Variants in IGF2BP2 observed in about 807,000 individuals in gnomAD.
IGF2BP2 encodes the protein insulin-like growth factor 2 mRNA-binding protein 2.
In IGF2BP2, 17 loss-of-function variants were observed where a neutral mutation model predicts 75.8. The observed-to-expected ratio is 0.22, with a 90% CI of 0.15 to 0.34. IGF2BP2 has a LOEUF of 0.34. Among genes scored for constraint, IGF2BP2 ranks in the 10% least tolerant of loss-of-function variants. The pLI is 1.00. For missense variants in IGF2BP2, 516 were observed against 772.4 expected (o/e 0.67, Z 3.93); for synonymous variants, 288 against 295.6 (o/e 0.97, Z 0.26).
chr3:185,653,491 C>T (rs925064720), intron 12 of IGF2BP2, among the ~76,000 whole-genome samples: 5 of 151,856 alleles, frequency 3.3e-5, no homozygotes, highest in Non-Finnish European at 5.9e-5. Flanking sequence ...AGTGGTGGCG[C>T]GTGCCTGCAG....
intron 2 of IGF2BP2, among the ~76,000 whole-genome samples, chr3:185,810,533 G>C (rs1401630365): frequency 6.6e-6 from 1 of 152,166 alleles, no homozygotes; most frequent in African/African-American, 2.4e-5. Flanking sequence ...CAGCACTTTA[G>C]GGGGCCAAGG....
chr3:185,684,474 G>A (rs1720835964), intron 7 of IGF2BP2, among the ~76,000 whole-genome samples: 1 of 151,548 alleles, frequency 6.6e-6, no homozygotes, highest in Non-Finnish European at 1.5e-5. Context: ...GCGCGATCTC[G>A]GCTCACTGCA....
chr3:185,675,126 A>G, intron 9 of IGF2BP2, 170 bp downstream of exon 9: 1 of 553,596 alleles, frequency 1.8e-6, no homozygotes, highest in Non-Finnish European at 3.1e-6. Context: ...GATGTTGTCC[A>G]GCGCACTTAT....
Position 185,647,492 on chromosome 3 carries a change from G to C in IGF2BP2, c.1594-354C>G, listed in dbSNP as rs1323451431. 6.6e-6 allele frequency among the ~76,000 whole-genome samples: 1 copy of C among 151,362 alleles called. No individual in the cohort carries two copies. Among genetic ancestry groups the C allele is most frequent in the Non-Finnish European group, 1.5e-5 (1 of 67,914 alleles). ...CCCCCCCACTCCCCACCCCTACCCT[G>C]TAAGATCATTCCTCCTGGACATGCT... On this transcript the variant is annotated intron_variant, in intron 14 of 15. Transcript: ENST00000382199. This position sits in a 1 kb window ranked among gnomAD's most constrained non-coding sequence, Gnocchi z 4.9.
At chr3:185,665,578 G>A (rs544923569) in intron 10 of IGF2BP2, among the ~76,000 whole-genome samples, 2 of 145,682 alleles carry the variant, frequency 1.4e-5, no homozygotes, top group Admixed American at 6.8e-5. Context: ...GGAGAAGAAG[G>A]AGAAAAGGAA....
intron 10 of IGF2BP2, among the ~76,000 whole-genome samples, chr3:185,663,470 G>A (rs1716799002): frequency 6.6e-6 from 1 of 152,200 alleles, no homozygotes; most frequent in Non-Finnish European, 1.5e-5. Flanking sequence ...GGGGTAGGTA[G>A]AGGAGCATAT....
chr3:185,721,011 G>A (rs1035713111), intron 2 of IGF2BP2, among the ~76,000 whole-genome samples: 1 of 152,164 alleles, frequency 6.6e-6, no homozygotes, highest in African/African-American at 2.4e-5. Context: ...GCACACGCTT[G>A]CACACATGTG....
intron 10 of IGF2BP2, among the ~76,000 whole-genome samples, chr3:185,671,783 A>C (rs1041783371): frequency 6.6e-6 from 1 of 152,180 alleles, no homozygotes; most frequent in Non-Finnish European, 1.5e-5. Flanking sequence ...GGCTGAGGCA[A>C]TGTTCACCCA....
At chr3:185,735,147 C>CTTTT (rs11314977) in intron 2 of IGF2BP2, among the ~76,000 whole-genome samples, 3 of 136,954 alleles carry the variant, frequency 2.2e-5, no homozygotes, top group South Asian at 4.8e-4. Flanking sequence ...CATTTAAATC[C>CTTTT]TTTTTTTTTT....
chr3:185,670,910 T>G (rs1387617139), intron 10 of IGF2BP2, among the ~76,000 whole-genome samples: 1 of 152,198 alleles, frequency 6.6e-6, no homozygotes, highest in Non-Finnish European at 1.5e-5. Flanking sequence ...TATTATGCCC[T>G]TTTTCTCTCC....
chr3:185,652,083 T>C lies in IGF2BP2; in HGVS notation c.1461+11A>G. ...AGAGCCTGCAGGGCTGAGGTGTCCCTTGGCACTAACCTTGAACTGGGCTTC... is the reference window on the plus strand; with the variant it reads ...AGAGCCTGCAGGGCTGAGGTGTCCCCTGGCACTAACCTTGAACTGGGCTTC... On this transcript the variant is annotated intron_variant, in intron 13 of 15. Coordinates refer to ENST00000382199, the MANE Select transcript of IGF2BP2 (RefSeq NM_006548.6). The C allele has an allele frequency of 1.2e-6, 2 of 1,610,382 alleles. No individual in the cohort carries two copies. The highest frequency in any genetic ancestry group is 1.7e-6 in the Non-Finnish European group (2 of 1,177,544).
chr3:185,726,387 C>G (rs1478194641), intron 2 of IGF2BP2, among the ~76,000 whole-genome samples: 2 of 152,182 alleles, frequency 1.3e-5, no homozygotes, highest in Non-Finnish European at 2.9e-5. Flanking sequence ...TGTTTTCAGT[C>G]TCCATTCAGA....
At chr3:185,646,045 C>A (rs1285558770) in intron 15 of IGF2BP2, among the ~76,000 whole-genome samples, 1 of 152,154 alleles carries the variant, frequency 6.6e-6, no homozygotes, top group African/African-American at 2.4e-5. Flanking sequence ...AGATGCTCTA[C>A]CCTGAACAGC....
chr3:185,686,407 G>C (rs1268948691), intron 7 of IGF2BP2, among the ~76,000 whole-genome samples: 1 of 151,590 alleles, frequency 6.6e-6, no homozygotes, highest in East Asian at 1.9e-4. Context: ...AGGAGAGGGG[G>C]GTAGTGAGGA....
intron 2 of IGF2BP2, chr3:185,767,860 C>T (rs1341266896): frequency 6.5e-6 from 1 of 153,978 alleles, no homozygotes; most frequent in Non-Finnish European, 1.5e-5. Flanking sequence ...AAAGTAATTG[C>T]AGTTTTTGCC....
At chr3:185,757,162 C>G (rs538347014) in intron 2 of IGF2BP2, among the ~76,000 whole-genome samples, 1 of 152,308 alleles carries the variant, frequency 6.6e-6, no homozygotes, top group Admixed American at 6.5e-5. Flanking sequence ...TTTGAATCAC[C>G]TTCCAACTCT....
chr3:185,808,739 T>A (rs1262402164), intron 2 of IGF2BP2, among the ~76,000 whole-genome samples: 7 of 151,170 alleles, frequency 4.6e-5, no homozygotes, highest in Non-Finnish European at 7.4e-5. Flanking sequence ...TTTTTTTTTT[T>A]ATCATTTTAG....
intron 2 of IGF2BP2, among the ~76,000 whole-genome samples, chr3:185,700,730 C>A (rs985499224): frequency 6.6e-6 from 1 of 152,068 alleles, no homozygotes; most frequent in Non-Finnish European, 1.5e-5. Context: ...AAGAAACTCA[C>A]GAATGAGCAC....
intron 8 of IGF2BP2, among the ~76,000 whole-genome samples, 160 bp downstream of exon 8, chr3:185,675,631 C>T (rs1183960912): frequency 6.6e-6 from 1 of 152,074 alleles, no homozygotes; most frequent in African/African-American, 2.4e-5. Context: ...AAAATGTCTA[C>T]CTGGTAAGTA....
Sources: gnomAD v4.1 joint callset for allele counts (sites outside exome capture counted in the v4.1 genomes callset) on GRCh38, gnomAD v4.1.1 for gene constraint, Gnocchi (gnomAD v3.1) non-coding constraint, MANE v1.5 for transcripts, NCBI Gene and HGNC (gene_info 2026-07-23, HGNC 2026-07-21) for gene names.